Variants in GNA14 observed in about 807,000 individuals in gnomAD.
The protein encoded by GNA14 is guanine nucleotide-binding protein subunit alpha-14.
GNA14 carries 50 observed loss-of-function variants against 42.0 expected under a neutral mutation model. The ratio of observed to expected loss-of-function variants is 1.19; its 90% CI spans 0.95 to 1.51. The LOEUF (loss-of-function observed/expected upper bound fraction) is 1.51, where lower values mean the gene tolerates loss of function less well. Among genes scored for constraint, GNA14 ranks in the 40% most tolerant of loss-of-function variants. The pLI is 0.00. For synonymous variants in GNA14, 173 were observed against 163.1 expected (o/e 1.06, Z -0.46); for missense variants, 473 against 446.2 (o/e 1.06, Z -0.54).
rs145139300 is a variant in GNA14, at chr9:77,576,447, A to C, written c.125-47194T>G. ...TAGTTTTGTTTTTCTAAGAAGATAGAGTGACTTTTTTGAGGAAAAGCCTAT... is the reference window on the plus strand; with the variant it reads ...TAGTTTTGTTTTTCTAAGAAGATAGCGTGACTTTTTTGAGGAAAAGCCTAT... On this transcript the variant is annotated intron_variant, in intron 1 of 6. Transcript: ENST00000341700. 4.6e-3 allele frequency among the ~76,000 whole-genome samples: 705 copies of C among 152,324 alleles called. 10 individuals are homozygous for C. The highest frequency in any genetic ancestry group is 0.016 in the African/African-American group (668 of 41,588).
At chr9:77,607,513 A>C (rs1587846229) in intron 1 of GNA14, among the ~76,000 whole-genome samples, 1 of 152,320 alleles carries the variant, frequency 6.6e-6, no homozygotes, top group Non-Finnish European at 1.5e-5. Context: ...CTTCATCTGC[A>C]TCTCACACAC....
At chr9:77,481,950 T>C (rs367920403) in intron 2 of GNA14, among the ~76,000 whole-genome samples, 2 of 152,232 alleles carry the variant, frequency 1.3e-5, no homozygotes, top group African/African-American at 2.4e-5. Context: ...TGTCCCTGCA[T>C]GTGAGATGGG....
rs368198136 is a variant in GNA14 at position 77,424,152 on chromosome 9, T to C, written c.895A>G (p.Arg299Gly). 1.2e-6 allele frequency: 2 copies of C among 1,609,894 alleles called. No homozygotes were observed. The highest frequency in any genetic ancestry group is 1.7e-6 in the Non-Finnish European group (2 of 1,177,758). The stretch of plus-strand genomic sequence containing the variant: ...TTCAGGATAAAGTCTCTGGCAGCTC[T>C]GACATCCTGTTTCGGTCCTAGTCAC... ...PEYTGPKQDV[R>G]AARDFILKLY... is the part of the protein sequence containing the mutation. The change falls in exon 7 of 7, where the codon AGA (arginine) becomes GGA (glycine). Residue 299 changes from arginine (R) to glycine (G), a missense_variant. By Grantham distance (125) the Arg-to-Gly change is moderately radical. Coordinates refer to ENST00000341700, the MANE Select transcript of GNA14 (RefSeq NM_004297.4).
At chr9:77,431,592 C>A in intron 3 of GNA14, 143 bp from the exon 4 acceptor site, 1 of 658,308 alleles carries the variant, frequency 1.5e-6, no homozygotes, top group South Asian at 2.3e-5. Flanking sequence ...AGAGCCAGTG[C>A]CAGGCCAGGC....
At chr9:77,604,446 TC>T (rs1182345428) in intron 1 of GNA14, among the ~76,000 whole-genome samples, 1 of 152,152 alleles carries the variant, frequency 6.6e-6, no homozygotes, top group African/African-American at 2.4e-5. Flanking sequence ...TTGGTCACGT[TC>T]CTTACACATG....
Position 77,647,713 on chromosome 9 carries a change from C to T in GNA14, c.81G>A (p.Arg27=). The stretch of plus-strand genomic sequence containing the variant: ...GCTCACGGCGCGCGTCCTTCTTGTC[C>T]CGACGAAGCTGTCGCTCGATCTCCG... ...ISAEIERQLR[R]DKKDARRELK... The change falls in exon 1 of 7, where the codon CGG becomes CGA. Residue 27 remains arginine, a synonymous_variant. Coordinates refer to ENST00000341700, the MANE Select transcript of GNA14 (RefSeq NM_004297.4). 1 of 1,610,286 alleles carries T rather than the reference C, an allele frequency of 6.2e-7. No individual in the cohort carries two copies. Among genetic ancestry groups the T allele is most frequent in the Non-Finnish European group, 8.5e-7 (1 of 1,178,668 alleles).
rs972661212 is a variant in GNA14, at chr9:77,551,346, A to G, written c.125-22093T>C. Reference sequence around the variant, plus strand: ...CTCAAACTCTGTCCTGCAGATAAGCAGGGTCTTTAGACTTCCTTTATGTGG... The same window carrying G: ...CTCAAACTCTGTCCTGCAGATAAGCGGGGTCTTTAGACTTCCTTTATGTGG... On this transcript the variant is annotated intron_variant, in intron 1 of 6. Coordinates refer to ENST00000341700, the MANE Select transcript of GNA14 (RefSeq NM_004297.4). Among the ~76,000 whole-genome samples, 6 of 152,312 alleles carry G rather than the reference A, an allele frequency of 3.9e-5. No individual in the cohort carries two copies. In the East Asian group the frequency reaches 1.2e-3, roughly 29 times the overall value.
chr9:77,596,653 G>T (rs1411358266), intron 1 of GNA14, among the ~76,000 whole-genome samples: 1 of 152,138 alleles, frequency 6.6e-6, no homozygotes, highest in Admixed American at 6.5e-5. Flanking sequence ...GGAGAAAAAG[G>T]AAGTGTGAAA....
intron 1 of GNA14, among the ~76,000 whole-genome samples, chr9:77,639,705 A>G (rs1380656567): frequency 1.3e-5 from 2 of 152,188 alleles, no homozygotes; most frequent in Admixed American, 1.3e-4. Flanking sequence ...AGCATTTGCT[A>G]TGTCCAGAGT....
At position 77,531,323 on chromosome 9, in the gene GNA14, G is replaced by T. The variant is rs1837525805; in HGVS notation, c.125-2070C>A. ...AAAAACGAGACATGAATTGAACAAG[G>T]ATAAACTGTGATGAGACCACGTGCC... On this transcript the variant is annotated intron_variant, in intron 1 of 6. Transcript: ENST00000341700. 2.0e-5 allele frequency among the ~76,000 whole-genome samples: 3 copies of T among 152,136 alleles called. No homozygotes were observed. In the South Asian group the frequency reaches 6.2e-4, roughly 32 times the overall value.
At chr9:77,541,151 T>G (rs1338331652) in intron 1 of GNA14, among the ~76,000 whole-genome samples, 1 of 152,200 alleles carries the variant, frequency 6.6e-6, no homozygotes, top group African/African-American at 2.4e-5. Flanking sequence ...GTTTTCATGG[T>G]GGTAAATGTT....
At chr9:77,514,649 T>C (rs1587810676) in intron 2 of GNA14, among the ~76,000 whole-genome samples, 1 of 148,848 alleles carries the variant, frequency 6.7e-6, no homozygotes, top group African/African-American at 2.5e-5. Flanking sequence ...AGTCTCACTC[T>C]GTCCCCCAGG....
chr9:77,490,921 G>A (rs1836762781), intron 2 of GNA14, among the ~76,000 whole-genome samples: 1 of 152,246 alleles, frequency 6.6e-6, no homozygotes. Context: ...GGGCTGTGAG[G>A]ACTGCCAGCA....
At chr9:77,636,712 G>A (rs1346574208) in intron 1 of GNA14, among the ~76,000 whole-genome samples, 5 of 152,176 alleles carry the variant, frequency 3.3e-5, no homozygotes, top group Admixed American at 3.3e-4. Flanking sequence ...AATACAGTGA[G>A]AACTCACTCC....
chr9:77,570,173 A>G (rs1007611336), intron 1 of GNA14, among the ~76,000 whole-genome samples: 2 of 152,058 alleles, frequency 1.3e-5, no homozygotes, highest in African/African-American at 2.4e-5. Context: ...ACAAATAAAT[A>G]TATATTAACT....
intron 2 of GNA14, chr9:77,526,665 AAC>A (rs1445454127): frequency 6.6e-6 from 1 of 152,246 alleles, no homozygotes; most frequent in Non-Finnish European, 1.5e-5. Flanking sequence ...AGAAGCCGAC[AAC>A]AGATTCTCTC....
chr9:77,552,260 T>C (rs1837796140), intron 1 of GNA14, among the ~76,000 whole-genome samples: 1 of 152,132 alleles, frequency 6.6e-6, no homozygotes, highest in Non-Finnish European at 1.5e-5. Context: ...GTTTTTCTTT[T>C]GGTGGGGAGT....
intron 2 of GNA14, among the ~76,000 whole-genome samples, chr9:77,469,355 T>G (rs140607733): frequency 1.1e-5 from 1 of 95,084 alleles, no homozygotes; most frequent in African/African-American, 5.0e-5. Flanking sequence ...AGTCCTAGGA[T>G]AAACTGTGTT....
Position 77,529,095 on chromosome 9 carries a change from T to A in GNA14, c.283A>T (p.Ile95Leu). 6.2e-7 allele frequency: 1 copy of A among 1,614,172 alleles called. No homozygotes were observed. Among genetic ancestry groups the A allele is most frequent in the Non-Finnish European group, 8.5e-7 (1 of 1,179,996 alleles). Reference sequence around the variant, plus strand: ...TTATTCTGTTCACACACATACTGTATCCTTAGCGTGTCCATCGCTCTGATC... The same window carrying A: ...TTATTCTGTTCACACACATACTGTAACCTTAGCGTGTCCATCGCTCTGATC... Reference protein sequence around the residue: ...AMIRAMDTLRIQYVCEQNKEN... With the variant: ...AMIRAMDTLRLQYVCEQNKEN... The change falls in exon 2 of 7, where the codon ATA becomes TTA. Residue 95 changes from isoleucine (I) to leucine (L), a missense_variant. Transcript: ENST00000341700.
Sources: gnomAD v4.1 joint callset for allele counts (sites outside exome capture counted in the v4.1 genomes callset) on GRCh38, gnomAD v4.1.1 for gene constraint, MANE v1.5 for transcripts, NCBI Gene and HGNC (gene_info 2026-07-23, HGNC 2026-07-21) for gene names.